Variants in SDHC observed in about 807,000 individuals in gnomAD.
The protein encoded by SDHC is succinate dehydrogenase cytochrome b560 subunit, mitochondrial.
In SDHC, 11 loss-of-function variants were observed where a neutral mutation model predicts 22.6. The observed-to-expected ratio is 0.49, with a 90% CI of 0.31 to 0.81. The LOEUF (loss-of-function observed/expected upper bound fraction) is 0.81, where lower values mean the gene tolerates loss of function less well. SDHC is among the 30% of genes least tolerant of loss of function. The pLI is 0.05. For missense variants in SDHC, 160 were observed against 212.0 expected, an observed-to-expected ratio of 0.75 and a Z score of 1.52; for synonymous variants, 80 against 77.8, an observed-to-expected ratio of 1.03 and a Z score of -0.15.
At chr1:161,323,074 C>G (rs1256464789) in intron 1 of SDHC, among the ~76,000 whole-genome samples, 1 of 152,090 alleles carries the variant, frequency 6.6e-6, no homozygotes, top group Non-Finnish European at 1.5e-5. Context: ...TCTTGGCTCA[C>G]TGCAAGCTCC....
chr1:161,334,019 G>A (rs1671380098), intron 3 of SDHC, among the ~76,000 whole-genome samples: 1 of 152,126 alleles, frequency 6.6e-6, no homozygotes, highest in Non-Finnish European at 1.5e-5. Context: ...TACTGCAAAC[G>A]TTGTGACTTA....
Position 161,323,627 on chromosome 1 carries a change from C to T in SDHC, c.34C>T (p.His12Tyr). The T allele has an allele frequency of 6.2e-7, 1 of 1,613,592 alleles. No individual in the cohort carries two copies. Among genetic ancestry groups the T allele is most frequent in the Non-Finnish European group, 8.5e-7 (1 of 1,179,606 alleles). Residue 12 changes from histidine to tyrosine, a missense_variant, in exon 2 of 6, where the codon CAT (histidine) becomes TAT (tyrosine). His to Tyr is a moderately conservative substitution (Grantham distance 83). Around this residue, in one of 2 missense-constraint regions of SDHC, gnomAD observed 86 missense variants for 83.4 expected, o/e 1.03. Transcript: ENST00000367975. Reference sequence around the variant, plus strand: ...CTTATCTTGCAGACACGTTGGTCGTCATTGCCTCCGAGCCCACTTTAGCCC... The same window carrying T: ...CTTATCTTGCAGACACGTTGGTCGTTATTGCCTCCGAGCCCACTTTAGCCC... ...AALLLRHVGR[H>Y]CLRAHFSPQL...
chr1:161,328,442 T>C lies in SDHC; in HGVS notation c.124T>C (p.Trp42Arg). 6.2e-7 allele frequency: 1 copy of C among 1,614,000 alleles called. No individual in the cohort carries two copies. Among genetic ancestry groups the C allele is most frequent in the East Asian group, 2.2e-5 (1 of 44,886 alleles). The change falls in exon 3 of 6, where the codon TGG becomes CGG. Residue 42 changes from tryptophan to arginine, a missense_variant. This residue lies in a region of SDHC where 86 missense variants were observed against 83.4 expected (regional missense o/e 1.03). Coordinates refer to ENST00000367975, the MANE Select transcript of SDHC (RefSeq NM_003001.5). Reference sequence around the variant, plus strand: ...GGCCAAAGAAGAGATGGAGCGGTTCTGGAATAAGAATATAGGTTCAAACCG... The same window carrying C: ...GGCCAAAGAAGAGATGGAGCGGTTCCGGAATAAGAATATAGGTTCAAACCG... ...TTAKEEMERF[W>R]NKNIGSNRPL...
intron 4 of SDHC, among the ~76,000 whole-genome samples, chr1:161,344,316 G>A (rs561484132): frequency 6.6e-6 from 1 of 151,842 alleles, no homozygotes; most frequent in South Asian, 2.1e-4. Context: ...TAAAAAATTA[G>A]CCTGGAATGG....
intron 1 of SDHC, among the ~76,000 whole-genome samples, chr1:161,320,536 C>T (rs1670800864): frequency 6.6e-6 from 1 of 151,252 alleles, no homozygotes; most frequent in Non-Finnish European, 1.5e-5. Flanking sequence ...CTTTGAATAA[C>T]TTTTTTTTTC....
At chr1:161,361,577 C>T (rs1672510940) in intron 5 of SDHC, among the ~76,000 whole-genome samples, 1 of 152,180 alleles carries the variant, frequency 6.6e-6, no homozygotes, top group African/African-American at 2.4e-5. Context: ...CAGTGGCTCA[C>T]GCCTGTAATC....
chr1:161,351,292 C>G (rs1672090208), intron 4 of SDHC, among the ~76,000 whole-genome samples: 1 of 152,158 alleles, frequency 6.6e-6, no homozygotes, highest in Non-Finnish European at 1.5e-5. Flanking sequence ...GTAATTTTGA[C>G]AAGCCTGAAG....
intron 4 of SDHC, among the ~76,000 whole-genome samples, chr1:161,348,751 T>C (rs1671995620): frequency 6.7e-6 from 1 of 149,648 alleles, no homozygotes; most frequent in African/African-American, 2.5e-5. Context: ...GCCAGGAGAA[T>C]GAATTGAACC....
At chr1:161,357,051 C>T (rs1672307281) in intron 5 of SDHC, among the ~76,000 whole-genome samples, 1 of 152,000 alleles carries the variant, frequency 6.6e-6, no homozygotes, top group African/African-American at 2.4e-5. Flanking sequence ...GTGCCTCAGC[C>T]TCTTAAGTAG....
At chr1:161,331,771 A>G (rs1382632772) in intron 3 of SDHC, among the ~76,000 whole-genome samples, 2 of 146,030 alleles carry the variant, frequency 1.4e-5, no homozygotes, top group African/African-American at 2.6e-5. Context: ...AATTTTTTGT[A>G]TTTTTCGTAG....
At position 161,357,566 on chromosome 1, in the gene SDHC, A is replaced by C. The variant is rs186468743; in HGVS notation, c.405+726A>C. On this transcript the variant is annotated intron_variant, in intron 5 of 5. Coordinates refer to ENST00000367975, the MANE Select transcript of SDHC (RefSeq NM_003001.5). ...AGGCGCCTCCCACCACGCCCGGCTA[A>C]TTTTTTGTATTTTTAGTAGAGATGG... 1.8e-3 allele frequency among the ~76,000 whole-genome samples: 266 copies of C among 150,058 alleles called. 3 individuals carry two copies. The highest frequency in any genetic ancestry group is 6.3e-3 in the African/African-American group (259 of 40,830).
At chr1:161,343,404 A>C (rs1671787003) in intron 4 of SDHC, among the ~76,000 whole-genome samples, 1 of 152,142 alleles carries the variant, frequency 6.6e-6, no homozygotes, top group Non-Finnish European at 1.5e-5. Flanking sequence ...ATAGACATAT[A>C]TATGTAGTTT....
In SDHC at chr1:161,362,548, T is replaced by G. The variant is rs886045478; in HGVS notation, c.*115T>G. ...TTCTCCTTATTTGTTTAGATCCTTT[T>G]GTATTTTCAGATCTCCTTGGAGCAG... On this transcript the variant is annotated 3_prime_UTR_variant, in exon 6 of 6. Transcript: ENST00000367975. The G allele has an allele frequency of 1.2e-6, 2 of 1,608,736 alleles. No homozygotes were observed.
At chr1:161,357,863 TC>T (rs1342518405) in intron 5 of SDHC, among the ~76,000 whole-genome samples, 1 of 152,186 alleles carries the variant, frequency 6.6e-6, no homozygotes, top group Non-Finnish European at 1.5e-5. Context: ...CTTTCATTCT[TC>T]CGTTCCTGTT....
chr1:161,316,569 A>G (rs552520778), intron 1 of SDHC, among the ~76,000 whole-genome samples: 1 of 152,320 alleles, frequency 6.6e-6, no homozygotes, highest in Non-Finnish European at 1.5e-5. Context: ...CTATACGGAC[A>G]CCTTAACAAT....
At chr1:161,331,106 T>C (rs184598959) in intron 3 of SDHC, among the ~76,000 whole-genome samples, 37 of 152,032 alleles carry the variant, frequency 2.4e-4, no homozygotes, top group Admixed American at 5.3e-4. Context: ...TAATCCTGCC[T>C]CTGTTTCTGC....
chr1:161,331,137 G>C (rs1488957375), intron 3 of SDHC, among the ~76,000 whole-genome samples: 1 of 151,998 alleles, frequency 6.6e-6, no homozygotes, highest in Non-Finnish European at 1.5e-5. Context: ...GATGGTTGAG[G>C]GGATCTACTA....
At chr1:161,338,175 A>G (rs61174143) in intron 3 of SDHC, among the ~76,000 whole-genome samples, 4,841 of 152,132 alleles carry the variant, frequency 0.032, 177 homozygotes, top group East Asian at 0.17. Flanking sequence ...TTCTGTTGTT[A>G]AATCTGAGTT....
At chr1:161,333,973 A>G (rs1364835813) in intron 3 of SDHC, among the ~76,000 whole-genome samples, 1 of 152,178 alleles carries the variant, frequency 6.6e-6, no homozygotes, top group Non-Finnish European at 1.5e-5. Context: ...AGTTACCACA[A>G]TCTATACTAA....
Sources: gnomAD v4.1 joint callset for allele counts (sites outside exome capture counted in the v4.1 genomes callset) on GRCh38, gnomAD v4.1.1 for gene constraint, gnomAD v4.1.1 regional missense constraint, MANE v1.5 for transcripts, NCBI Gene and HGNC (gene_info 2026-07-23, HGNC 2026-07-21) for gene names.